ATG16L1: variants seen among roughly 807,000 people sequenced by gnomAD.
ATG16L1 encodes the protein autophagy related 16 like 1, also known as autophagy-related protein 16-1.
ATG16L1 carries 37 observed loss-of-function variants against 88.5 expected under a neutral mutation model. The ratio of observed to expected loss-of-function variants is 0.42; its 90% CI spans 0.32 to 0.55. The LOEUF (loss-of-function observed/expected upper bound fraction) is 0.55, where lower values mean the gene tolerates loss of function less well. Ranked by LOEUF, ATG16L1 falls within the 20% of genes least tolerant of loss-of-function variation. The pLI, the probability that ATG16L1 is intolerant of heterozygous loss-of-function variation, is 0.13. For missense variants in ATG16L1, 554 were observed against 752.8 expected (o/e 0.74, Z 3.09); for synonymous variants, 301 against 281.0 (o/e 1.07, Z -0.71).
intron 9 of ATG16L1, chr2:233,275,754 A>T (rs1240134427): frequency 1.9e-6 from 1 of 519,210 alleles, no homozygotes; most frequent in Admixed American, 1.9e-5. Context: ...AAAAGGTCTG[A>T]TTGCACTGAA....
rs779328584 is a variant in ATG16L1, at chr2:233,277,552, G to A, written c.955-16G>A. ...ATGAGAATGACTGGGTTTGACACAG[G>A]GTGCTTGTCTTGCAGGATGCACATG... On this transcript the variant is annotated splice_polypyrimidine_tract_variant and intron_variant, in intron 9 of 17. Coordinates refer to ENST00000392017, the MANE Select transcript of ATG16L1 (RefSeq NM_030803.7). 2 of 1,611,834 alleles carry A rather than the reference G, an allele frequency of 1.2e-6. No individual in the cohort carries two copies. Among genetic ancestry groups the A allele is most frequent in the Non-Finnish European group, 1.7e-6 (2 of 1,178,062 alleles).
Position 233,251,774 on chromosome 2 carries a change from G to A in ATG16L1, c.-54G>A. On this transcript the variant is annotated 5_prime_UTR_variant, in exon 1 of 18. Transcript: ENST00000392017. ...TGGTTGCTTCATGCTGCAGGCTGCGGCCGTCAGCCCTCGCTCGCATTGGTG... is the reference window on the plus strand; with the variant it reads ...TGGTTGCTTCATGCTGCAGGCTGCGACCGTCAGCCCTCGCTCGCATTGGTG... 6.7e-7 allele frequency: 1 copy of A among 1,491,160 alleles called. No homozygotes were observed. The highest frequency in any genetic ancestry group is 9.1e-7 in the Non-Finnish European group (1 of 1,096,508). 92.4% of individuals were successfully genotyped at this position (1,491,160 alleles called of 1,614,324 possible). A position where few individuals can be genotyped will look rare whatever the true frequency, so the allele number is the denominator to read the frequency against.
intron 6 of ATG16L1, 118 bp from the exon 7 acceptor site, chr2:233,272,848 A>T: frequency 2.4e-6 from 2 of 826,474 alleles, no homozygotes; most frequent in Non-Finnish European, 4.1e-6. Context: ...TCTTTAACGC[A>T]TTGCTGTCAT....
At chr2:233,283,842 C>A (rs1698892228) in intron 12 of ATG16L1, among the ~76,000 whole-genome samples, 1 of 139,990 alleles carries the variant, frequency 7.1e-6, no homozygotes, top group African/African-American at 2.7e-5. Flanking sequence ...CAGCAAGATA[C>A]ATTTCTTTTT....
chr2:233,289,823 A>C (rs1699343251), intron 12 of ATG16L1, 31 bp from the exon 13 acceptor site: 2 of 1,605,050 alleles, frequency 1.2e-6, no homozygotes, highest in Non-Finnish European at 1.7e-6. Context: ...TGGCGCCCTG[A>C]GGCTCACCCT....
intron 2 of ATG16L1, among the ~76,000 whole-genome samples, chr2:233,260,362 G>A (rs910271249): frequency 1.2e-4 from 19 of 152,176 alleles, no homozygotes; most frequent in African/African-American, 4.3e-4. Flanking sequence ...AGAAACTCTG[G>A]GGGTGGGGCC....
At chr2:233,260,403 C>A (rs1427641203) in intron 2 of ATG16L1, among the ~76,000 whole-genome samples, 1 of 152,194 alleles carries the variant, frequency 6.6e-6, no homozygotes, top group Non-Finnish European at 1.5e-5. Context: ...AATGCTTTAG[C>A]TGATTGTAGT....
intron 9 of ATG16L1, among the ~76,000 whole-genome samples, chr2:233,276,236 C>T (rs2125256463): frequency 6.6e-6 from 1 of 152,184 alleles, no homozygotes; most frequent in South Asian, 2.1e-4. Flanking sequence ...TTCTCTTCCC[C>T]AAGTGACCTT....
intron 1 of ATG16L1, among the ~76,000 whole-genome samples, 167 bp from the exon 2 acceptor site, chr2:233,255,935 G>C (rs1696748105): frequency 1.3e-5 from 2 of 152,142 alleles, no homozygotes; most frequent in African/African-American, 4.8e-5. Context: ...AGCATTTTCA[G>C]CTCCCTTTAA....
intron 9 of ATG16L1, chr2:233,276,083 C>T (rs1185970960): frequency 9.5e-6 from 4 of 422,366 alleles, no homozygotes; most frequent in African/African-American, 2.0e-5. Flanking sequence ...TACTTTTCAG[C>T]AGTGGGTCAC....
chr2:233,255,603 C>G (rs1047957662), intron 1 of ATG16L1, among the ~76,000 whole-genome samples: 2 of 152,176 alleles, frequency 1.3e-5, no homozygotes, highest in African/African-American at 4.8e-5. Context: ...TACCAAAAGA[C>G]TCTGTTATTC....
Position 233,294,343 on chromosome 2 carries a change from A to G in ATG16L1, c.1817A>G (p.Gln606Arg). ...GGATGCAAAGCTGTGCTGTGGGCAC[A>G]GTACTGACGGGGCTCTCAGGGCTGG... ...DKGCKAVLWA[Q>R]Y The change falls in exon 18 of 18, where the codon CAG becomes CGG. Residue 606 changes from glutamine to arginine, a missense_variant. By Grantham distance (43) the Gln-to-Arg change is conservative. Transcript: ENST00000392017. 6.2e-7 allele frequency: 1 copy of G among 1,613,594 alleles called. No homozygotes were observed. Among genetic ancestry groups the G allele is most frequent in the Non-Finnish European group, 8.5e-7 (1 of 1,179,874 alleles).
At chr2:233,289,385 G>GTA (rs1699300035) in intron 12 of ATG16L1, among the ~76,000 whole-genome samples, 1 of 144,474 alleles carries the variant, frequency 6.9e-6, no homozygotes, top group African/African-American at 2.7e-5. Flanking sequence ...GGATGTGTGT[G>GTA]TGTGTGTGTG....
At chr2:233,261,997 T>C (rs1252804871) in intron 2 of ATG16L1, among the ~76,000 whole-genome samples, 1 of 152,180 alleles carries the variant, frequency 6.6e-6, no homozygotes, top group Non-Finnish European at 1.5e-5. Context: ...TCAGTTTCCA[T>C]TTGACAGTAC....
At position 233,254,785 on chromosome 2, in the gene ATG16L1, T is replaced by C. The variant is rs566825059; in HGVS notation, c.116-1317T>C. On this transcript the variant is annotated intron_variant, in intron 1 of 17. Transcript: ENST00000392017. ...TGAGAGTGTTTCTACCCAGGAGTTCTCTTTTCAGGTATCAAAAAGTGGGAC... is the reference window on the plus strand; with the variant it reads ...TGAGAGTGTTTCTACCCAGGAGTTCCCTTTTCAGGTATCAAAAAGTGGGAC... 7.2e-5 allele frequency among the ~76,000 whole-genome samples: 11 copies of C among 152,280 alleles called. No individual in the cohort carries two copies. In the East Asian group the frequency reaches 1.9e-3, roughly 27 times the overall value.
chr2:233,263,327 CA>C, intron 3 of ATG16L1, 92 bp downstream of exon 3: 1 of 1,177,938 alleles, frequency 8.5e-7, no homozygotes, highest in Non-Finnish European at 1.2e-6. Flanking sequence ...CCAGAATTGG[CA>C]GCAGCCTTAG....
In ATG16L1 at chr2:233,284,753, C is replaced by T. The variant is rs376381232; in HGVS notation, c.1203+2000C>T. Among the ~76,000 whole-genome samples the T allele has an allele frequency of 9.2e-5, 14 of 152,266 alleles. No individual in the cohort carries two copies. In the East Asian group the frequency reaches 2.5e-3, roughly 27 times the overall value. On this transcript the variant is annotated intron_variant, in intron 12 of 17. Transcript: ENST00000392017. ...CCAAAGTGCTGGGATTACAGGCATG[C>T]ACCACCACGCCTGGCCCAGATGAAT...
At chr2:233,270,685 T>A (rs971558963) in intron 6 of ATG16L1, among the ~76,000 whole-genome samples, 2 of 152,202 alleles carry the variant, frequency 1.3e-5, no homozygotes, top group South Asian at 4.1e-4. Context: ...TAACTTAAAG[T>A]GGAAACTTAA....
intron 17 of ATG16L1, 71 bp from the exon 18 acceptor site, chr2:233,294,186 G>A: frequency 8.0e-7 from 1 of 1,248,356 alleles, no homozygotes; most frequent in South Asian, 1.5e-5. Flanking sequence ...ACAAGCTTCT[G>A]GTGTTTGGTT....
Sources: gnomAD v4.1 joint callset for allele counts (sites outside exome capture counted in the v4.1 genomes callset) on GRCh38, gnomAD v4.1.1 for gene constraint, MANE v1.5 for transcripts, NCBI Gene and HGNC (gene_info 2026-07-23, HGNC 2026-07-21) for gene names.